GALNTL6: variants seen among roughly 807,000 people sequenced by gnomAD.
GALNTL6 encodes polypeptide N-acetylgalactosaminyltransferase-like 6.
GALNTL6 carries 46 observed loss-of-function variants against 73.7 expected under a neutral mutation model. The ratio of observed to expected loss-of-function variants is 0.62; its 90% CI spans 0.49 to 0.80. The LOEUF is 0.80. Among genes scored for constraint, GALNTL6 ranks in the 30% least tolerant of loss-of-function variants. GALNTL6 has a pLI of 0.00. For missense variants in GALNTL6, 604 were observed against 755.0 expected (o/e 0.80, Z 2.34); for synonymous variants, 259 against 263.7 (o/e 0.98, Z 0.17).
intron 7 of GALNTL6, among the ~76,000 whole-genome samples, chr4:172,877,357 A>G (rs1256547438): frequency 6.6e-6 from 1 of 152,088 alleles, no homozygotes; most frequent in Non-Finnish European, 1.5e-5. Flanking sequence ...TGTGAAATAG[A>G]GAATATTAGG....
intron 2 of GALNTL6, among the ~76,000 whole-genome samples, chr4:172,218,998 T>C (rs1282508526): frequency 2.0e-5 from 3 of 151,220 alleles, no homozygotes; most frequent in African/African-American, 4.8e-5. Flanking sequence ...TTTATTTCCA[T>C]TCTATAGATT....
intron 9 of GALNTL6, among the ~76,000 whole-genome samples, chr4:172,943,330 C>T (rs1302207170): frequency 6.6e-6 from 1 of 152,182 alleles, no homozygotes; most frequent in Non-Finnish European, 1.5e-5. Flanking sequence ...GATCTTCCAG[C>T]CCCGTCAAAG....
Position 172,202,437 on chromosome 4 carries a change from G to A in GALNTL6, c.139-27219G>A, listed in dbSNP as rs550889724. 1.4e-4 allele frequency among the ~76,000 whole-genome samples: 21 copies of A among 152,246 alleles called. No individual in the cohort carries two copies. The East Asian group carries it at 4.1e-3, about 29-fold the overall frequency. Reference sequence around the variant, plus strand: ...TTATTATTCCTTAAGTTTTTGGATAGTGTAATATTAGTGTTGAAATAATTA... The same window carrying A: ...TTATTATTCCTTAAGTTTTTGGATAATGTAATATTAGTGTTGAAATAATTA... On this transcript the variant is annotated intron_variant, in intron 2 of 12. Coordinates refer to ENST00000506823, the MANE Select transcript of GALNTL6 (RefSeq NM_001034845.3).
intron 8 of GALNTL6, among the ~76,000 whole-genome samples, chr4:172,927,061 GT>G (rs985440510): frequency 1.2e-4 from 18 of 152,104 alleles, no homozygotes; most frequent in Non-Finnish European, 2.5e-4. Flanking sequence ...CAGCAACCCC[GT>G]CCCCATCCAT....
intron 5 of GALNTL6, among the ~76,000 whole-genome samples, chr4:172,629,833 T>C (rs996665191): frequency 6.6e-6 from 1 of 152,216 alleles, no homozygotes; most frequent in African/African-American, 2.4e-5. Flanking sequence ...GTATTTATTA[T>C]GACACCCTAG....
At chr4:172,173,502 A>G (rs1734899228) in intron 2 of GALNTL6, among the ~76,000 whole-genome samples, 1 of 152,184 alleles carries the variant, frequency 6.6e-6, no homozygotes, top group African/African-American at 2.4e-5. Flanking sequence ...CAGCTGAGCA[A>G]CCTTCTGCGT....
rs138450943 is a variant in GALNTL6 at position 172,456,219 on chromosome 4, G to A, written c.553+107530G>A. 8.9e-3 allele frequency among the ~76,000 whole-genome samples: 1,361 copies of A among 152,210 alleles called. 10 individuals are homozygous for A. The highest frequency in any genetic ancestry group is 0.018 in the Admixed American group (274 of 15,290). On this transcript the variant is annotated intron_variant, in intron 5 of 12. Coordinates refer to ENST00000506823, the MANE Select transcript of GALNTL6 (RefSeq NM_001034845.3). ...AGGTCACCAACATTAAAGGCCAAAT[G>A]TAGATAAATCCACAAAGATGAGGAA... is the stretch of plus-strand genomic sequence containing the variant.
chr4:172,931,384 G>A, intron 9 of GALNTL6, 116 bp downstream of exon 9: 1 of 696,744 alleles, frequency 1.4e-6, no homozygotes, highest in Non-Finnish European at 2.6e-6. Flanking sequence ...GAGAGCTCCT[G>A]TGCTTCTCAG....
chr4:172,472,298 T>C (rs1230203188), intron 5 of GALNTL6, among the ~76,000 whole-genome samples: 1 of 152,212 alleles, frequency 6.6e-6, no homozygotes, highest in East Asian at 1.9e-4. Flanking sequence ...ATGAAGAAGT[T>C]CAATAATTGT....
At position 172,351,181 on chromosome 4, in the gene GALNTL6, GTCTATCTA is replaced by G. The variant is rs56948823; in HGVS notation, c.553+2533_553+2540del. Among the ~76,000 whole-genome samples the G allele has an allele frequency of 8.3e-3, 1,013 of 122,580 alleles. 13 individuals carry two copies. The highest frequency in any genetic ancestry group is 0.028 in the African/African-American group (913 of 32,464). The allele number at this position is 122,580 out of a possible 152,430, so 80.4% of individuals were successfully genotyped here. A position where few individuals can be genotyped will look rare whatever the true frequency, so the allele number is the denominator to read the frequency against. On this transcript the variant is annotated intron_variant, in intron 5 of 12. Transcript: ENST00000506823. ...AATCAAATGTGATCCACAATAATCT[GTCTATCTA>G]TCTATCTATCTATCTATCTATCTAT... is the stretch of plus-strand genomic sequence containing the variant.
intron 2 of GALNTL6, among the ~76,000 whole-genome samples, chr4:172,120,373 G>T (rs1053431154): frequency 6.6e-6 from 1 of 152,098 alleles, no homozygotes. Context: ...TTTGAAGGTG[G>T]TACCTGTTCC....
intron 2 of GALNTL6, among the ~76,000 whole-genome samples, chr4:171,965,854 C>T (rs898248551): frequency 5.9e-5 from 9 of 152,084 alleles, no homozygotes; most frequent in Non-Finnish European, 1.3e-4. Flanking sequence ...TTTACCCTTT[C>T]GTTTACTTTC....
rs1753836444 is a variant in GALNTL6 at position 173,039,926 on chromosome 4, C to T, written c.1639-7C>T. The stretch of plus-strand genomic sequence containing the variant: ...ACAGTCTTTTCTTTTCTTCCTCACT[C>T]CTCCAGGACAGAACATTATTCCATC... On this transcript the variant is annotated splice_polypyrimidine_tract_variant and splice_region_variant and intron_variant, in intron 12 of 12. Transcript: ENST00000506823. 1 of 1,606,872 alleles carries T rather than the reference C, an allele frequency of 6.2e-7. No individual in the cohort carries two copies. Among genetic ancestry groups the T allele is most frequent in the African/African-American group, 1.3e-5 (1 of 74,636 alleles).
At chr4:172,249,244 A>G (rs1209087576) in intron 3 of GALNTL6, among the ~76,000 whole-genome samples, 2 of 152,198 alleles carry the variant, frequency 1.3e-5, no homozygotes, top group Non-Finnish European at 2.9e-5. Flanking sequence ...CACTCTTGCT[A>G]TGCAAAGATA....
chr4:171,846,701 G>A (rs1025492517), intron 2 of GALNTL6, among the ~76,000 whole-genome samples: 5 of 147,288 alleles, frequency 3.4e-5, no homozygotes, highest in Non-Finnish European at 7.5e-5. Flanking sequence ...TCTATATATG[G>A]ACATATATAG....
rs7655321 is a variant in GALNTL6, at chr4:172,952,576, C to T, written c.1371+318C>T. Among the ~76,000 whole-genome samples the T allele has an allele frequency of 5.2e-3, 791 of 151,262 alleles. 9 individuals are homozygous for T. The highest frequency in any genetic ancestry group is 0.018 in the African/African-American group (761 of 41,162). On this transcript the variant is annotated intron_variant, in intron 10 of 12. Transcript: ENST00000506823. ...TGTCTTCCAGGCTGGAATGCAATGG[C>T]GTGATCTTGGCTCACTGCAACCTCC...
chr4:172,425,050 G>T (rs769892204), intron 5 of GALNTL6, among the ~76,000 whole-genome samples: 6 of 151,950 alleles, frequency 3.9e-5, no homozygotes, highest in Non-Finnish European at 8.8e-5. Flanking sequence ...TGACTTATTT[G>T]GAATGTGAAT....
At chr4:173,017,402 A>T (rs1752825820) in intron 11 of GALNTL6, among the ~76,000 whole-genome samples, 1 of 152,232 alleles carries the variant, frequency 6.6e-6, no homozygotes, top group Admixed American at 6.5e-5. Context: ...TGTCACAATG[A>T]CATTACCCAA....
chr4:172,557,888 T>A (rs962710371), intron 5 of GALNTL6, among the ~76,000 whole-genome samples: 1 of 152,188 alleles, frequency 6.6e-6, no homozygotes. Flanking sequence ...GAAAATTAAT[T>A]TCTAGATATA....
Sources: gnomAD v4.1 joint callset for allele counts (sites outside exome capture counted in the v4.1 genomes callset) on GRCh38, gnomAD v4.1.1 for gene constraint, MANE v1.5 for transcripts, NCBI Gene and HGNC (gene_info 2026-07-23, HGNC 2026-07-21) for gene names.